The following ZFX variants were observed in gnomAD, a reference collection of about 807,000 sequenced individuals.
ZFX encodes the protein zinc finger X-chromosomal protein.
For missense variants in ZFX, 362 were observed against 628.3 expected (o/e 0.58, Z 4.53); for synonymous variants, 196 against 226.8 (o/e 0.86, Z 1.22).
chrX:24,211,630 C>G lies in ZFX; in HGVS notation c.*254C>G. 1 of 340,803 alleles carries G rather than the reference C, an allele frequency of 2.9e-6. No individual in the cohort carries two copies. Among genetic ancestry groups the G allele is most frequent in the Admixed American group, 5.3e-5 (1 of 18,788 alleles). The allele number at this position is 340,803 out of a possible 1,213,427, so 28.1% of individuals were successfully genotyped here. ...ACTTTTAATAAAGTAATCCCTGATT[C>G]TATACCGAAGTTTTATATCTTAGAA... On this transcript the variant is annotated 3_prime_UTR_variant, in exon 10 of 10. Transcript: ENST00000304543.
chrX:24,211,579 T>TA lies in ZFX; in HGVS notation c.*204dup. ...AATTCTATTCAGTTTGTTTAATAAA[T>TA]AGGGAAAACTGGCAACATGCTAGTT... On this transcript the variant is annotated 3_prime_UTR_variant, in exon 10 of 10. Coordinates refer to ENST00000304543, the MANE Select transcript of ZFX (RefSeq NM_003410.4). 2.3e-6 allele frequency: 1 copy of TA among 442,152 alleles called. No individual in the cohort carries two copies. Among genetic ancestry groups the TA allele is most frequent in the Non-Finnish European group, 3.7e-6 (1 of 270,076 alleles). The allele number at this position is 442,152 out of a possible 1,213,427, so 36.4% of individuals were successfully genotyped here. A position where few individuals can be genotyped will look rare whatever the true frequency, so the allele number is the denominator to read the frequency against.
chrX:24,163,416 C>G (rs183976662), intron 3 of ZFX, among the ~76,000 whole-genome samples: 27 of 73,750 alleles, frequency 3.7e-4, no homozygotes, highest in African/African-American at 1.3e-3. Context: ...CTCACTCTGT[C>G]GCCCAGGCTG....
At chrX:24,185,950 C>G (rs1003971724) in intron 5 of ZFX, among the ~76,000 whole-genome samples, 1 of 106,909 alleles carries the variant, frequency 9.4e-6, no homozygotes, top group African/African-American at 3.3e-5. Flanking sequence ...AAAAAACAAC[C>G]CCTCCCAAAA....
chrX:24,195,476 C>T (rs1268512334), intron 5 of ZFX, among the ~76,000 whole-genome samples: 1 of 111,046 alleles, frequency 9.0e-6, no homozygotes, highest in Non-Finnish European at 1.9e-5. Flanking sequence ...CCTCAGCCTC[C>T]TGACTAGTTG....
chrX:24,157,764 C>G (rs1459870546), intron 3 of ZFX, among the ~76,000 whole-genome samples: 2 of 111,503 alleles, frequency 1.8e-5, no homozygotes, highest in Non-Finnish European at 3.8e-5. Context: ...GTAGGAATAC[C>G]TTACCAATTT....
chrX:24,209,871 G>A (rs1287734798), intron 9 of ZFX, among the ~76,000 whole-genome samples: 2 of 111,912 alleles, frequency 1.8e-5, no homozygotes, highest in African/African-American at 6.5e-5. Context: ...GTGAGCCACC[G>A]TGCCCAGCCA....
At chrX:24,194,067 T>G (rs771721941) in intron 5 of ZFX, among the ~76,000 whole-genome samples, 93 of 111,874 alleles carry the variant, frequency 8.3e-4, no homozygotes, top group African/African-American at 2.9e-3. Context: ...TCATACAGTA[T>G]TTTTTCCTTT....
At chrX:24,196,269 C>G (rs925324525) in intron 5 of ZFX, among the ~76,000 whole-genome samples, 5 of 111,285 alleles carry the variant, frequency 4.5e-5, no homozygotes, top group African/African-American at 1.6e-4. Flanking sequence ...TGCACCAACA[C>G]GCCCGGCTAA....
chrX:24,167,197 C>T (rs570536768), intron 3 of ZFX, among the ~76,000 whole-genome samples: 1 of 111,714 alleles, frequency 9.0e-6, no homozygotes, highest in South Asian at 3.7e-4. Context: ...GGATATTGAA[C>T]CTCCAGCACC....
At chrX:24,156,800 G>T (rs1268824316) in intron 3 of ZFX, among the ~76,000 whole-genome samples, 1 of 109,666 alleles carries the variant, frequency 9.1e-6, no homozygotes. Flanking sequence ...GACTACAGGC[G>T]CCCGCAACCA....
At chrX:24,159,812 C>T (rs1933080989) in intron 3 of ZFX, among the ~76,000 whole-genome samples, 1 of 111,671 alleles carries the variant, frequency 9.0e-6, no homozygotes, top group Non-Finnish European at 1.9e-5. Context: ...AGTAAGAACC[C>T]ATCTGTGAGA....
chrX:24,164,882 GT>G (rs1402306519), intron 3 of ZFX, among the ~76,000 whole-genome samples: 1 of 107,805 alleles, frequency 9.3e-6, no homozygotes, highest in Non-Finnish European at 1.9e-5. Context: ...AGAGATTGTA[GT>G]GAGCTGAGAT....
At chrX:24,174,190 G>A (rs1357989844) in intron 4 of ZFX, among the ~76,000 whole-genome samples, 1 of 109,656 alleles carries the variant, frequency 9.1e-6, no homozygotes, top group Admixed American at 9.8e-5. Context: ...TCCAGTCTGG[G>A]TGATAGCACG....
intron 3 of ZFX, among the ~76,000 whole-genome samples, chrX:24,168,739 G>A (rs1183897888): frequency 4.0e-5 from 4 of 99,299 alleles, no homozygotes; most frequent in Non-Finnish European, 8.0e-5. Context: ...TTTCCACTGT[G>A]AATTATTTTC....
At chrX:24,170,812 G>A (rs771837525) in intron 3 of ZFX, among the ~76,000 whole-genome samples, 56 of 107,204 alleles carry the variant, frequency 5.2e-4, no homozygotes, top group African/African-American at 1.8e-3. Flanking sequence ...GGGTTTCGCC[G>A]TGTTGGCTAG....
intron 5 of ZFX, among the ~76,000 whole-genome samples, chrX:24,199,217 T>G (rs957059547): frequency 1.8e-5 from 2 of 110,451 alleles, no homozygotes; most frequent in Non-Finnish European, 3.8e-5. Context: ...GATGAACAGT[T>G]TTGGTGAAGT....
intron 5 of ZFX, among the ~76,000 whole-genome samples, chrX:24,206,678 C>T (rs188055183): frequency 3.6e-4 from 39 of 108,754 alleles, no homozygotes; most frequent in African/African-American, 1.3e-3. Context: ...TGATCCACTG[C>T]ACCTGGCTGG....
chrX:24,177,972 C>A lies in ZFX; in HGVS notation c.59-1211C>A, dbSNP rs760338827. 23 of 430,171 alleles carry A rather than the reference C, an allele frequency of 5.3e-5. No individual in the cohort carries two copies. In the African/African-American group the frequency reaches 6.0e-4, roughly 11 times the overall value. The allele number at this position is 430,171 out of a possible 1,213,427, so 35.5% of individuals were successfully genotyped here. ...TTAGAGACAGAGTCTTGCTCTGTCA[C>A]CCAGGCTGGAGTGCAGTGGCACGAT... On this transcript the variant is annotated intron_variant, in intron 4 of 9. Transcript: ENST00000304543.
At chrX:24,170,515 AGCC>A (rs1458946062) in intron 3 of ZFX, among the ~76,000 whole-genome samples, 1 of 110,506 alleles carries the variant, frequency 9.0e-6, no homozygotes, top group African/African-American at 3.3e-5. Flanking sequence ...GGTATTCTAT[AGCC>A]AGAGGTGGTT....
Sources: allele counts gnomAD v4.1 joint callset (sites outside exome capture counted in the v4.1 genomes callset), GRCh38; gene constraint gnomAD v4.1.1; transcripts MANE v1.5; gene names NCBI Gene and HGNC (gene_info 2026-07-23, HGNC 2026-07-21).